The following NPAS3 variants were observed in gnomAD, a reference collection of about 807,000 sequenced individuals.
NPAS3 encodes the protein neuronal PAS domain protein 3, also known as neuronal PAS domain-containing protein 3.
Under a neutral mutation model 73.1 loss-of-function variants are expected in NPAS3, and 14 were observed. The observed-to-expected ratio is 0.19, with a 90% CI of 0.13 to 0.30. NPAS3 has a LOEUF of 0.30. NPAS3 is among the 10% of genes least tolerant of loss of function. NPAS3 has a pLI of 1.00. For synonymous variants in NPAS3, 620 were observed against 541.5 expected (o/e 1.14, Z -2.01); for missense variants, 1,096 against 1,250.0 (o/e 0.88, Z 1.86).
chr14:33,463,701 T>C (rs1289396129), intron 4 of NPAS3, among the ~76,000 whole-genome samples: 1 of 152,200 alleles, frequency 6.6e-6, no homozygotes, highest in Non-Finnish European at 1.5e-5. Context: ...GTCAGGAATG[T>C]GTAGCAATAA....
intron 2 of NPAS3, among the ~76,000 whole-genome samples, chr14:33,068,495 A>G (rs2041358921): frequency 6.6e-6 from 1 of 152,230 alleles, no homozygotes; most frequent in Non-Finnish European, 1.5e-5. Flanking sequence ...TGATTGGTAT[A>G]TATCAGTGGA....
intron 10 of NPAS3, 93 bp from the exon 11 acceptor site, chr14:33,797,364 G>C: frequency 7.3e-7 from 1 of 1,371,030 alleles, no homozygotes. Flanking sequence ...CTAAACTCCA[G>C]AAGTCTGGGA....
chr14:33,764,870 C>A (rs1475518232), intron 7 of NPAS3, among the ~76,000 whole-genome samples: 1 of 152,126 alleles, frequency 6.6e-6, no homozygotes, highest in African/African-American at 2.4e-5. Flanking sequence ...TTGCTTTGCC[C>A]CTTAACAATT....
At chr14:33,680,036 T>A (rs2140354144) in intron 6 of NPAS3, among the ~76,000 whole-genome samples, 1 of 152,336 alleles carries the variant, frequency 6.6e-6, no homozygotes, top group Non-Finnish European at 1.5e-5. Flanking sequence ...TGGAAGAGAC[T>A]GCCCTTTGCT....
chr14:33,433,296 C>T lies in NPAS3; in HGVS notation c.468+66028C>T, dbSNP rs111744920. ...TGTTATTCAAGGCAATGATAAATAA[C>T]GACTTGAAATTATAGTCCCATGTAC... On this transcript the variant is annotated intron_variant, in intron 4 of 11. Coordinates refer to ENST00000356141, the Ensembl canonical transcript of NPAS3. 1.2e-4 allele frequency among the ~76,000 whole-genome samples: 19 copies of T among 152,200 alleles called. No individual in the cohort carries two copies. In the South Asian group the frequency reaches 3.1e-3, roughly 25 times the overall value.
At chr14:33,207,996 A>T (rs997749751) in intron 2 of NPAS3, among the ~76,000 whole-genome samples, 5 of 152,078 alleles carry the variant, frequency 3.3e-5, no homozygotes, top group Admixed American at 1.3e-4. Flanking sequence ...TTCAATTGTG[A>T]AGTGATTAGC....
intron 7 of NPAS3, among the ~76,000 whole-genome samples, chr14:33,737,542 A>G (rs1364340074): frequency 1.3e-5 from 2 of 151,898 alleles, no homozygotes; most frequent in African/African-American, 4.8e-5. Flanking sequence ...CCGATGCCCT[A>G]CTCTCTTCCC....
intron 4 of NPAS3, among the ~76,000 whole-genome samples, chr14:33,403,587 G>A (rs367842067): frequency 7.2e-5 from 11 of 152,162 alleles, no homozygotes; most frequent in African/African-American, 2.6e-4. Flanking sequence ...GAGGTACATG[G>A]GGTTTGTATT....
chr14:32,985,852 G>C (rs1326315936), intron 1 of NPAS3, among the ~76,000 whole-genome samples: 1 of 152,216 alleles, frequency 6.6e-6, no homozygotes, highest in Non-Finnish European at 1.5e-5. Flanking sequence ...GTCATGTCAT[G>C]GCTTGGTGAG....
chr14:33,404,237 C>CA (rs2047567077), intron 4 of NPAS3, among the ~76,000 whole-genome samples: 1 of 152,068 alleles, frequency 6.6e-6, no homozygotes, highest in Non-Finnish European at 1.5e-5. Context: ...GTGTGAACTT[C>CA]TTGTTGCTAT....
intron 5 of NPAS3, among the ~76,000 whole-genome samples, chr14:33,560,820 G>A (rs1284608308): frequency 6.6e-6 from 1 of 152,170 alleles, no homozygotes; most frequent in African/African-American, 2.4e-5. Context: ...TGATGGGCCA[G>A]GGACAAAAAT....
intron 7 of NPAS3, among the ~76,000 whole-genome samples, chr14:33,766,679 C>T (rs950511763): frequency 1.3e-5 from 2 of 152,156 alleles, no homozygotes; most frequent in Admixed American, 1.3e-4. Flanking sequence ...CCTGATCTTA[C>T]AAGAATTTGG....
intron 1 of NPAS3, among the ~76,000 whole-genome samples, chr14:33,032,967 A>C (rs1225030293): frequency 5.9e-5 from 9 of 152,130 alleles, no homozygotes; most frequent in East Asian, 1.9e-4. Flanking sequence ...TGGAAATTAC[A>C]ATTTGTTTCA....
intron 2 of NPAS3, among the ~76,000 whole-genome samples, chr14:33,075,997 T>C (rs1204709870): frequency 6.6e-6 from 1 of 152,222 alleles, no homozygotes; most frequent in Non-Finnish European, 1.5e-5. Context: ...CATAATACAA[T>C]TTTTGTAAAT....
At chr14:33,287,855 G>A (rs1412525545) in intron 3 of NPAS3, among the ~76,000 whole-genome samples, 1 of 152,130 alleles carries the variant, frequency 6.6e-6, no homozygotes, top group Non-Finnish European at 1.5e-5. Flanking sequence ...GGAATTCAGT[G>A]CATGTACATT....
At chr14:33,659,468 C>A (rs1223939283) in intron 5 of NPAS3, among the ~76,000 whole-genome samples, 1 of 152,158 alleles carries the variant, frequency 6.6e-6, no homozygotes, top group African/African-American at 2.4e-5. Flanking sequence ...GTCCCAGAAC[C>A]CAACCAAATA....
chr14:33,017,812 T>C (rs955979665), intron 1 of NPAS3, among the ~76,000 whole-genome samples: 6 of 152,170 alleles, frequency 3.9e-5, no homozygotes, highest in African/African-American at 1.4e-4. Context: ...AACTAAGCCT[T>C]AGAGAGATTA....
chr14:33,095,775 T>G (rs2138850234), intron 2 of NPAS3, among the ~76,000 whole-genome samples: 1 of 149,710 alleles, frequency 6.7e-6, no homozygotes, highest in African/African-American at 2.5e-5. Context: ...TTCACGCCAT[T>G]CTCCTGCCTC....
intron 5 of NPAS3, among the ~76,000 whole-genome samples, chr14:33,569,555 G>A (rs868431646): frequency 6.6e-6 from 1 of 151,838 alleles, no homozygotes; most frequent in African/African-American, 2.4e-5. Flanking sequence ...GCCTTCTCTC[G>A]CCAATAGAAA....
Sources: allele counts gnomAD v4.1 joint callset (sites outside exome capture counted in the v4.1 genomes callset), GRCh38; gene constraint gnomAD v4.1.1; transcripts MANE v1.5; gene names NCBI Gene and HGNC (gene_info 2026-07-23, HGNC 2026-07-21).